The following TMTC2 variants were observed in gnomAD, a reference collection of about 807,000 sequenced individuals.
TMTC2 encodes the protein transmembrane O-mannosyltransferase targeting cadherins 2, also known as protein O-mannosyl-transferase TMTC2.
TMTC2 carries 43 observed loss-of-function variants against 82.4 expected under a neutral mutation model. That is an observed-to-expected ratio of 0.52 (90% confidence interval 0.41 to 0.67). The LOEUF is 0.67. TMTC2 is among the 30% of genes least tolerant of loss of function. TMTC2 has a pLI of 0.00. For synonymous variants in TMTC2, 408 were observed against 381.9 expected (o/e 1.07, Z -0.80); for missense variants, 919 against 1,012.4 (o/e 0.91, Z 1.25).
intron 7 of TMTC2, among the ~76,000 whole-genome samples, chr12:82,970,198 A>T (rs950456914): frequency 6.6e-6 from 1 of 152,246 alleles, no homozygotes; most frequent in African/African-American, 2.4e-5. Context: ...TTTCCCTTTT[A>T]TAAGATTTTG....
intron 4 of TMTC2, among the ~76,000 whole-genome samples, chr12:82,964,523 G>A (rs1878099166): frequency 6.6e-6 from 1 of 152,056 alleles, no homozygotes; most frequent in African/African-American, 2.4e-5. Context: ...TTTGGCGTCT[G>A]ATTAAACTGT....
At chr12:83,029,150 C>A (rs775542559) in intron 8 of TMTC2, among the ~76,000 whole-genome samples, 1 of 151,458 alleles carries the variant, frequency 6.6e-6, no homozygotes, top group African/African-American at 2.4e-5. Context: ...TTTTTAATGA[C>A]GGAATGAACA....
chr12:82,853,682 C>T (rs928482202), intron 1 of TMTC2, among the ~76,000 whole-genome samples: 6 of 152,062 alleles, frequency 3.9e-5, no homozygotes, highest in Non-Finnish European at 7.4e-5. Flanking sequence ...TGGGATCTGC[C>T]ACAGAAAGGA....
At chr12:82,807,969 A>T (rs546800152) in intron 1 of TMTC2, among the ~76,000 whole-genome samples, 70 of 152,134 alleles carry the variant, frequency 4.6e-4, no homozygotes, top group Admixed American at 1.5e-3. Context: ...GGCTTTAAAA[A>T]TTTTTAGGTT....
intron 3 of TMTC2, among the ~76,000 whole-genome samples, chr12:82,915,460 C>T (rs147951629): frequency 3.3e-5 from 5 of 152,266 alleles, no homozygotes; most frequent in South Asian, 4.1e-4. Context: ...ACGTAGATTT[C>T]GGACATTTTG....
At chr12:82,848,285 T>A (rs1870797142) in intron 1 of TMTC2, among the ~76,000 whole-genome samples, 1 of 152,174 alleles carries the variant, frequency 6.6e-6, no homozygotes, top group Admixed American at 6.5e-5. Context: ...TTTGAAAATA[T>A]TGACTGTTGG....
At chr12:83,071,567 G>C (rs780714327) in intron 11 of TMTC2, among the ~76,000 whole-genome samples, 1 of 152,134 alleles carries the variant, frequency 6.6e-6, no homozygotes, top group Non-Finnish European at 1.5e-5. Flanking sequence ...GTTTCAAAAG[G>C]ATTGGTACCA....
At chr12:82,719,771 A>C (rs953071165) in intron 1 of TMTC2, among the ~76,000 whole-genome samples, 9 of 147,420 alleles carry the variant, frequency 6.1e-5, no homozygotes, top group African/African-American at 2.0e-4. Flanking sequence ...TTGGTTTTCT[A>C]ACTGTTGTGA....
At position 82,965,646 on chromosome 12, in the gene TMTC2, C is replaced by T. The variant is rs187633107; in HGVS notation, c.1771C>T (p.Pro591Ser). Residue 591 changes from proline to serine, a missense_variant, in exon 6 of 12, where the codon CCA (proline) becomes TCA (serine). Physicochemically the swap from Pro to Ser is moderately conservative, Grantham distance 74 (BLOSUM62 -1). Coordinates refer to ENST00000321196, the MANE Select transcript of TMTC2 (RefSeq NM_152588.3). ...RRTFLKCSEI[P>S]DENLKDPHAH... ...GACATTCTTAAAGTGTTCGGAGATCCCAGATGAAAACCTAAAGGACCCTCA... is the reference window on the plus strand; with the variant it reads ...GACATTCTTAAAGTGTTCGGAGATCTCAGATGAAAACCTAAAGGACCCTCA... The T allele has an allele frequency of 6.2e-7, 1 of 1,613,744 alleles. No homozygotes were observed. Among genetic ancestry groups the T allele is most frequent in the African/African-American group, 1.3e-5 (1 of 74,990 alleles).
intron 7 of TMTC2, among the ~76,000 whole-genome samples, chr12:82,971,614 T>C (rs1211329079): frequency 1.3e-5 from 2 of 152,068 alleles, no homozygotes; most frequent in African/African-American, 4.8e-5. Context: ...TATTTACTAT[T>C]TAAAATAAAA....
chr12:82,877,092 G>A (rs10862517), intron 2 of TMTC2, among the ~76,000 whole-genome samples: 89,432 of 151,904 alleles, frequency 0.59, 28,989 homozygotes, highest in African/African-American at 0.89. Context: ...CATTAGAGAA[G>A]TTGTAATGAA....
rs554160994 is a variant in TMTC2 at position 82,935,632 on chromosome 12, G to T, written c.1598+5087G>T. On this transcript the variant is annotated intron_variant, in intron 4 of 11. Coordinates refer to ENST00000321196, the MANE Select transcript of TMTC2 (RefSeq NM_152588.3). The stretch of plus-strand genomic sequence containing the variant: ...TCAATGTCCTTTTGTTGTTGTTATG[G>T]ATTTGTTTCGGTCTGTTCCAAATGA... Among the ~76,000 whole-genome samples the T allele has an allele frequency of 2.6e-5, 4 of 152,166 alleles. No individual in the cohort carries two copies. In the East Asian group the frequency reaches 7.7e-4, roughly 29 times the overall value.
chr12:82,828,602 T>C (rs757022011), intron 1 of TMTC2, among the ~76,000 whole-genome samples: 21 of 152,098 alleles, frequency 1.4e-4, no homozygotes, highest in Admixed American at 2.6e-4. Context: ...TTCATATGAG[T>C]GATAGACTTT....
chr12:83,048,076 T>G (rs796766853), intron 9 of TMTC2, among the ~76,000 whole-genome samples: 10 of 152,342 alleles, frequency 6.6e-5, no homozygotes, highest in African/African-American at 2.2e-4. Flanking sequence ...ATCCTTTGTT[T>G]GAATACCACA....
chr12:82,815,309 A>ATTAT (rs1555187623), intron 1 of TMTC2, among the ~76,000 whole-genome samples: 20 of 146,898 alleles, frequency 1.4e-4, no homozygotes, highest in African/African-American at 4.8e-4. Flanking sequence ...TAATTAATTA[A>ATTAT]TTATTTATTT....
intron 9 of TMTC2, among the ~76,000 whole-genome samples, chr12:83,033,682 C>T (rs113162749): frequency 6.6e-6 from 1 of 151,730 alleles, no homozygotes; most frequent in African/African-American, 2.4e-5. Context: ...ACCCGGGAGG[C>T]AGAAGTTGCA....
chr12:82,713,151 C>G (rs572566958), intron 1 of TMTC2, among the ~76,000 whole-genome samples: 4 of 152,218 alleles, frequency 2.6e-5, no homozygotes, highest in Non-Finnish European at 4.4e-5. Context: ...GAAACCCCGT[C>G]TCTACTAGAA....
rs182196502 is a variant in TMTC2, at chr12:82,899,569, T to C, written c.1483+2923T>C. ...ATATATATATAAGAATATATATATA[T>C]GTGGAATATATATATATAAGAATAT... On this transcript the variant is annotated intron_variant, in intron 3 of 11. Transcript: ENST00000321196. Among the ~76,000 whole-genome samples, 161 of 130,846 alleles carry C rather than the reference T, an allele frequency of 1.2e-3. No individual in the cohort carries two copies. The East Asian group carries it at 0.013, about 11-fold the overall frequency. 85.8% of individuals were successfully genotyped at this position (130,846 alleles called of 152,430 possible). A position where few individuals can be genotyped will look rare whatever the true frequency, so the allele number is the denominator to read the frequency against.
chr12:82,748,799 C>T (rs1875823596), intron 1 of TMTC2, among the ~76,000 whole-genome samples: 1 of 152,132 alleles, frequency 6.6e-6, no homozygotes, highest in South Asian at 2.1e-4. Context: ...ATCGCTTGAA[C>T]CTGGGAGGCA....
Sources: gnomAD v4.1 joint callset for allele counts (sites outside exome capture counted in the v4.1 genomes callset) on GRCh38, gnomAD v4.1.1 for gene constraint, MANE v1.5 for transcripts, NCBI Gene and HGNC (gene_info 2026-07-23, HGNC 2026-07-21) for gene names.